The following NEUROD4 variants were observed in gnomAD, a reference collection of about 807,000 sequenced individuals.
The protein encoded by NEUROD4 is neuronal differentiation 4, also known as neurogenic differentiation factor 4.
Under a neutral mutation model 19.8 loss-of-function variants are expected in NEUROD4, and 16 were observed. That is an observed-to-expected ratio of 0.81 (90% CI 0.55 to 1.23). NEUROD4 has a LOEUF of 1.23. Ranked by LOEUF, NEUROD4 falls within the 50% of genes most tolerant of loss-of-function variation. The pLI is 0.00. For missense variants in NEUROD4, 439 were observed against 398.6 expected, an observed-to-expected ratio of 1.10 and a Z score of -0.86; for synonymous variants, 153 against 147.9, an observed-to-expected ratio of 1.03 and a Z score of -0.25.
chr12:55,021,648 C>T (rs1246903219), intron 1 of NEUROD4, among the ~76,000 whole-genome samples: 1 of 152,108 alleles, frequency 6.6e-6, no homozygotes, highest in Non-Finnish European at 1.5e-5. Flanking sequence ...CCTAAGCAAA[C>T]ACTTTGCTAG....
In NEUROD4 at chr12:55,026,961, C is replaced by T; in HGVS notation, c.522C>T (p.Leu174=). The T allele has an allele frequency of 6.2e-7, 1 of 1,614,166 alleles. No individual in the cohort carries two copies. The highest frequency in any genetic ancestry group is 2.2e-5 in the East Asian group (1 of 44,874). The change falls in exon 2 of 2, where the codon CTC becomes CTT. Residue 174 remains leucine (L), a synonymous_variant. Coordinates refer to ENST00000242994, the MANE Select transcript of NEUROD4 (RefSeq NM_021191.3). ...CAAGCAACCTGGTGGCTGGATGTCT[C>T]CAACTGGGCCCTCAGTCTGTCCTCC... The part of the protein sequence containing the change: ...QPTSNLVAGC[L]QLGPQSVLLE...
rs371817262 is a variant in NEUROD4 at position 55,026,632 on chromosome 12, G to C, written c.193G>C (p.Glu65Gln). 7 of 1,613,766 alleles carry C rather than the reference G, an allele frequency of 4.3e-6. No homozygotes were observed. The highest frequency in any genetic ancestry group is 1.3e-5 in the African/African-American group (1 of 74,902). ...AGAAGAAGAAGAGGAAGAAGATGGG[G>C]AGAAACCTAAGAGAAGGGGTCCCAA... ...EEEEEEEEDG[E>Q]KPKRRGPKKK... The change falls in exon 2 of 2, where the codon GAG becomes CAG. Residue 65 changes from glutamate (E) to glutamine (Q), a missense_variant. Transcript: ENST00000242994.
intron 1 of NEUROD4, among the ~76,000 whole-genome samples, chr12:55,024,096 A>G (rs1434858804): frequency 3.9e-5 from 6 of 152,254 alleles, no homozygotes; most frequent in Non-Finnish European, 5.9e-5. Context: ...AGTATGAGCC[A>G]GTGATCATAA....
chr12:55,025,662 CAG>C (rs1390817018), intron 1 of NEUROD4, among the ~76,000 whole-genome samples: 1 of 152,194 alleles, frequency 6.6e-6, no homozygotes. Flanking sequence ...TACTGAAAAA[CAG>C]AATGCTCCTC....
In NEUROD4 at chr12:55,029,522, C is replaced by A. The variant is rs1234747312; in HGVS notation, c.*2087C>A. The A allele has an allele frequency of 6.0e-6, 1 of 166,974 alleles. No individual in the cohort carries two copies. The highest frequency in any genetic ancestry group is 1.9e-4 in the East Asian group (1 of 5,200). 10.3% of individuals were successfully genotyped at this position (166,974 alleles called of 1,614,324 possible). On this transcript the variant is annotated 3_prime_UTR_variant, in exon 2 of 2. Transcript: ENST00000242994. ...ATTTAATTTATTTCTCTCTTCCTTT[C>A]ACGAAAATTCCTTTAGCCCCATAGA... is the stretch of plus-strand genomic sequence containing the variant.
At chr12:55,021,942 T>C (rs1300188146) in intron 1 of NEUROD4, among the ~76,000 whole-genome samples, 2 of 152,160 alleles carry the variant, frequency 1.3e-5, no homozygotes, top group African/African-American at 4.8e-5. Flanking sequence ...AGCTAATTTC[T>C]TTCCTAGGAA....
intron 1 of NEUROD4, among the ~76,000 whole-genome samples, chr12:55,024,450 CAT>C (rs1339851061): frequency 6.6e-6 from 1 of 152,050 alleles, no homozygotes; most frequent in Non-Finnish European, 1.5e-5. Flanking sequence ...CTATAAGAAA[CAT>C]ATGAATTAAT....
In NEUROD4 at chr12:55,028,647, T is replaced by C. The variant is rs1223342265; in HGVS notation, c.*1212T>C. ...ATTTTTCCAACATATATGTAGTTCC[T>C]TATCTCTCCCCCTACACTAATTGTT... On this transcript the variant is annotated 3_prime_UTR_variant, in exon 2 of 2. Coordinates refer to ENST00000242994, the MANE Select transcript of NEUROD4 (RefSeq NM_021191.3). The C allele has an allele frequency of 6.0e-6, 1 of 167,022 alleles. No homozygotes were observed. The highest frequency in any genetic ancestry group is 1.5e-5 in the Non-Finnish European group (1 of 68,092). 10.3% of individuals were successfully genotyped at this position (167,022 alleles called of 1,614,324 possible).
Position 55,027,391 on chromosome 12 carries a change from C to G in NEUROD4, c.952C>G (p.His318Asp). The G allele has an allele frequency of 6.2e-7, 1 of 1,613,368 alleles. No individual in the cohort carries two copies. The highest frequency in any genetic ancestry group is 1.7e-4 in the Middle Eastern group (1 of 6,056). Residue 318 changes from histidine (H) to aspartate (D), a missense_variant, in exon 2 of 2, where the codon CAT (histidine) becomes GAT (aspartate). Physicochemically the swap from His to Asp is moderately conservative, Grantham distance 81. Coordinates refer to ENST00000242994, the MANE Select transcript of NEUROD4 (RefSeq NM_021191.3). ...PIDMSYDSYP[H>D]HGIGTQLNTV... ...AGACATGTCCTATGATTCCTACCCC[C>G]ATCATGGTATTGGGACCCAACTCAA...
At position 55,027,176 on chromosome 12, in the gene NEUROD4, C is replaced by T. The variant is rs1453231685; in HGVS notation, c.737C>T (p.Thr246Ile). The change falls in exon 2 of 2, where the codon ACA becomes ATA. Residue 246 changes from threonine to isoleucine, a missense_variant. By Grantham distance (89) the Thr-to-Ile change is moderately conservative. Transcript: ENST00000242994. Reference sequence around the variant, plus strand: ...GGGAGCCATCTGCCTGACTGCAGTACACCCCCTTATGAGGGCCCACTCACT... The same window carrying T: ...GGGAGCCATCTGCCTGACTGCAGTATACCCCCTTATGAGGGCCCACTCACT... ...SFGSHLPDCS[T>I]PPYEGPLTPP... 2.5e-6 allele frequency: 4 copies of T among 1,614,004 alleles called. No homozygotes were observed. Among genetic ancestry groups the T allele is most frequent in the African/African-American group, 2.7e-5 (2 of 74,928 alleles).
At position 55,028,915 on chromosome 12, in the gene NEUROD4, A is replaced by G. The variant is rs1215826586; in HGVS notation, c.*1480A>G. ...TTTTTTTCAGAAAATGGGACCTGAG[A>G]AATTTTCCTATCTTGTTCAATCAGC... On this transcript the variant is annotated 3_prime_UTR_variant, in exon 2 of 2. Transcript: ENST00000242994. 2 of 166,972 alleles carry G rather than the reference A, an allele frequency of 1.2e-5. No individual in the cohort carries two copies. The highest frequency in any genetic ancestry group is 2.9e-5 in the Non-Finnish European group (2 of 68,096). 10.3% of individuals were successfully genotyped at this position (166,972 alleles called of 1,614,324 possible).
At chr12:55,023,228 G>A (rs1952687197) in intron 1 of NEUROD4, among the ~76,000 whole-genome samples, 1 of 152,042 alleles carries the variant, frequency 6.6e-6, no homozygotes, top group Non-Finnish European at 1.5e-5. Flanking sequence ...AAAAATGATA[G>A]GCTACTGAGT....
intron 1 of NEUROD4, among the ~76,000 whole-genome samples, chr12:55,025,974 A>G (rs1415406876): frequency 6.6e-6 from 1 of 152,192 alleles, no homozygotes; most frequent in Non-Finnish European, 1.5e-5. Flanking sequence ...TTATTTGACT[A>G]TTTGATGGGT....
At chr12:55,024,594 G>A (rs1196827854) in intron 1 of NEUROD4, among the ~76,000 whole-genome samples, 1 of 152,196 alleles carries the variant, frequency 6.6e-6, no homozygotes, top group Non-Finnish European at 1.5e-5. Flanking sequence ...GAAGAGCTGT[G>A]TTACTTTAAC....
chr12:55,023,552 T>A (rs1952690408), intron 1 of NEUROD4, among the ~76,000 whole-genome samples: 2 of 152,198 alleles, frequency 1.3e-5, no homozygotes, highest in South Asian at 2.1e-4. Context: ...GTGTTTGGGA[T>A]CAACAACCCA....
intron 1 of NEUROD4, among the ~76,000 whole-genome samples, chr12:55,024,943 T>C (rs1315367256): frequency 6.6e-6 from 1 of 152,238 alleles, no homozygotes. Flanking sequence ...AATATATCTT[T>C]ATTTTTAAAA....
In NEUROD4 at chr12:55,026,963, A is replaced by G. The variant is rs141873771; in HGVS notation, c.524A>G (p.Gln175Arg). 1 of 1,614,160 alleles carries G rather than the reference A, an allele frequency of 6.2e-7. No individual in the cohort carries two copies. Among genetic ancestry groups the G allele is most frequent in the Non-Finnish European group, 8.5e-7 (1 of 1,180,012 alleles). The stretch of plus-strand genomic sequence containing the variant: ...AGCAACCTGGTGGCTGGATGTCTCC[A>G]ACTGGGCCCTCAGTCTGTCCTCCTG... ...PTSNLVAGCL[Q>R]LGPQSVLLEK... The change falls in exon 2 of 2, where the codon CAA (glutamine) becomes CGA (arginine). Residue 175 changes from glutamine to arginine, a missense_variant. Transcript: ENST00000242994.
At chr12:55,025,473 G>T (rs565999903) in intron 1 of NEUROD4, among the ~76,000 whole-genome samples, 6 of 152,310 alleles carry the variant, frequency 3.9e-5, no homozygotes, top group Non-Finnish European at 7.4e-5. Flanking sequence ...TGCACTCCTA[G>T]CTGTTGCCAT....
intron 1 of NEUROD4, among the ~76,000 whole-genome samples, chr12:55,025,735 T>C (rs1952721275): frequency 6.6e-6 from 1 of 152,168 alleles, no homozygotes; most frequent in African/African-American, 2.4e-5. Context: ...AGAGTAATGT[T>C]TGATGGTCAC....
Sources: gnomAD v4.1 joint callset for allele counts (sites outside exome capture counted in the v4.1 genomes callset) on GRCh38, gnomAD v4.1.1 for gene constraint, MANE v1.5 for transcripts, NCBI Gene and HGNC (gene_info 2026-07-23, HGNC 2026-07-21) for gene names.